The following SUGP2 variants were observed in gnomAD, a reference collection of about 807,000 sequenced individuals.
SUGP2 encodes SURP and G-patch domain containing 2, also known as SURP and G-patch domain-containing protein 2.
Under a neutral mutation model 90.5 loss-of-function variants are expected in SUGP2, and 24 were observed. The observed-to-expected ratio is 0.27, with a 90% CI of 0.19 to 0.37. The LOEUF is 0.37. Ranked by LOEUF, SUGP2 falls within the 10% of genes least tolerant of loss-of-function variation. The pLI, the probability that SUGP2 is intolerant of heterozygous loss-of-function variation, is 1.00. For missense variants in SUGP2, 1,233 were observed against 1,363.3 expected (o/e 0.90, Z 1.51); for synonymous variants, 473 against 513.4 (o/e 0.92, Z 1.06).
At chr19:19,020,132 A>G (rs1048424946) in intron 3 of SUGP2, among the ~76,000 whole-genome samples, 1 of 151,710 alleles carries the variant, frequency 6.6e-6, no homozygotes, top group African/African-American at 2.4e-5. Context: ...TGCTGAATGT[A>G]TAAGAAACAA....
At chr19:19,024,039 G>A (rs191928697) in intron 3 of SUGP2, among the ~76,000 whole-genome samples, 6 of 152,276 alleles carry the variant, frequency 3.9e-5, no homozygotes, top group Middle Eastern at 3.4e-3. Context: ...GTGAATAGAT[G>A]AGCATTTTTT....
intron 2 of SUGP2, among the ~76,000 whole-genome samples, chr19:19,026,731 T>C (rs1441132661): frequency 6.6e-6 from 1 of 152,160 alleles, no homozygotes; most frequent in Non-Finnish European, 1.5e-5. Flanking sequence ...CACTGCCTCT[T>C]AGAAGGAAGT....
rs1408437073 is a variant in SUGP2 at position 19,004,284 on chromosome 19, G to A, written c.2813C>T (p.Ala938Val). ...AAEDDLAGAP[A>V]LSQASSGTCF... ...GGTACCTGAGGAGGCCTGTGACAAGGCAGGTGCTCCAGCCAGGTCGTCCTC... is the reference window on the plus strand; with the variant it reads ...GGTACCTGAGGAGGCCTGTGACAAGACAGGTGCTCCAGCCAGGTCGTCCTC... The change falls in exon 7 of 11, where the codon GCC becomes GTC. Residue 938 changes from alanine (A) to valine (V), a missense_variant. Transcript: ENST00000452918. 7 of 1,613,790 alleles carry A rather than the reference G, an allele frequency of 4.3e-6. No homozygotes were observed. The highest frequency in any genetic ancestry group is 1.3e-5 in the African/African-American group (1 of 74,940).
intron 4 of SUGP2, among the ~76,000 whole-genome samples, chr19:19,017,081 A>G (rs1431865080): frequency 6.6e-6 from 1 of 152,232 alleles, no homozygotes; most frequent in Non-Finnish European, 1.5e-5. Context: ...CAGTATGGGT[A>G]CAATCTGACT....
rs763924180 is a variant in SUGP2 at position 19,025,301 on chromosome 19, T to C, written c.1047A>G (p.Gln349=). The change falls in exon 3 of 11, where the codon CAA becomes CAG. Residue 349 remains glutamine, a synonymous_variant. Transcript: ENST00000452918. ...CAAGTTCAAAGAGAGTCTGGAAAAG[T>C]TGGGAAAATTTAATATCATCTTTTA... The part of the protein sequence containing the change: ...HTIKDDIKFS[Q]LFQTLFELET... The C allele has an allele frequency of 2.5e-6, 4 of 1,613,146 alleles. No homozygotes were observed. Among genetic ancestry groups the C allele is most frequent in the Non-Finnish European group, 3.4e-6 (4 of 1,179,844 alleles).
chr19:18,999,169 T>C (rs2057731890), intron 8 of SUGP2, among the ~76,000 whole-genome samples: 1 of 152,186 alleles, frequency 6.6e-6, no homozygotes, highest in Non-Finnish European at 1.5e-5. Flanking sequence ...TTAACAATCA[T>C]GATGGTGGTT....
intron 2 of SUGP2, among the ~76,000 whole-genome samples, chr19:19,028,206 T>C (rs142328890): frequency 6.6e-6 from 1 of 151,994 alleles, no homozygotes; most frequent in African/African-American, 2.4e-5. Context: ...GGCATCAGGG[T>C]TTTTAAAAGG....
intron 8 of SUGP2, among the ~76,000 whole-genome samples, chr19:18,997,000 G>C (rs1176477020): frequency 6.6e-6 from 1 of 151,990 alleles, no homozygotes; most frequent in Non-Finnish European, 1.5e-5. Flanking sequence ...GGAGTGGCTG[G>C]GAGAGGGTTA....
At chr19:19,017,149 C>A (rs1227161939) in intron 4 of SUGP2, among the ~76,000 whole-genome samples, 4 of 152,212 alleles carry the variant, frequency 2.6e-5, no homozygotes, top group Admixed American at 6.5e-5. Flanking sequence ...AGCACCCCTG[C>A]ATTGCAGCCT....
chr19:19,013,305 TC>T (rs2058372743), intron 4 of SUGP2, among the ~76,000 whole-genome samples: 1 of 152,238 alleles, frequency 6.6e-6, no homozygotes, highest in East Asian at 1.9e-4. Flanking sequence ...TTAGTGCTGT[TC>T]TCCTTAAAGT....
chr19:19,003,224 G>A (rs1408369884), intron 7 of SUGP2, among the ~76,000 whole-genome samples: 1 of 152,208 alleles, frequency 6.6e-6, no homozygotes, highest in Admixed American at 6.5e-5. Context: ...AAAACCATAA[G>A]GCCACTGTCA....
intron 3 of SUGP2, among the ~76,000 whole-genome samples, chr19:19,023,037 G>C (rs560647261): frequency 6.6e-6 from 1 of 152,186 alleles, no homozygotes; most frequent in Non-Finnish European, 1.5e-5. Context: ...GAGGAAGGAA[G>C]AGGGAAACCA....
chr19:18,994,225 T>C (rs1260096558), intron 10 of SUGP2, 141 bp downstream of exon 10: 7 of 1,182,376 alleles, frequency 5.9e-6, no homozygotes, highest in African/African-American at 4.6e-5. Flanking sequence ...CCCTTTTGTT[T>C]CCCTCACAGA....
chr19:18,997,935 G>A (rs975553288), intron 8 of SUGP2, among the ~76,000 whole-genome samples: 1 of 152,128 alleles, frequency 6.6e-6, no homozygotes, highest in African/African-American at 2.4e-5. Flanking sequence ...CCTAGAAACT[G>A]GACTTGCCAA....
In SUGP2 at chr19:19,025,980, A is replaced by G. The variant is rs899117471; in HGVS notation, c.368T>C (p.Ile123Thr). 4 of 1,614,022 alleles carry G rather than the reference A, an allele frequency of 2.5e-6. No individual in the cohort carries two copies. Among genetic ancestry groups the G allele is most frequent in the South Asian group, 2.2e-5 (2 of 91,086 alleles). The change falls in exon 3 of 11, where the codon ATT (isoleucine) becomes ACT (threonine). Residue 123 changes from isoleucine (I) to threonine (T), a missense_variant. Physicochemically the swap from Ile to Thr is moderately conservative, Grantham distance 89 (BLOSUM62 -1). Coordinates refer to ENST00000452918, the MANE Select transcript of SUGP2 (RefSeq NM_001017392.5). The stretch of plus-strand genomic sequence containing the variant: ...GAAATGCCCCAATTTCCGGTGGCCA[A>G]TGACCTGGTCCCGAGAATCAGAGTG... ...FSHSDSRDQV[I>T]GHRKLGHFRS...
chr19:19,012,106 C>T (rs2058333310), intron 4 of SUGP2, among the ~76,000 whole-genome samples: 1 of 152,210 alleles, frequency 6.6e-6, no homozygotes, highest in African/African-American at 2.4e-5. Flanking sequence ...CAGCTCCATA[C>T]ACAAGCTCCT....
chr19:19,009,937 T>C lies in SUGP2; in HGVS notation c.2256A>G (p.Glu752=). Residue 752 remains glutamate (E), a synonymous_variant, in exon 5 of 11, where the codon GAA becomes GAG. Transcript: ENST00000452918. ...CTGGCTTGGGGGATGGGCCTGAGGC[T>C]TCTAAGCTGGGGTCCTGAGGAGAAG... The part of the protein sequence containing the change: ...VGPSPQDPSL[E]ASGPSPKPAG... 6.2e-7 allele frequency: 1 copy of C among 1,614,154 alleles called. No individual in the cohort carries two copies. The highest frequency in any genetic ancestry group is 2.2e-5 in the East Asian group (1 of 44,882).
intron 1 of SUGP2, among the ~76,000 whole-genome samples, chr19:19,031,682 G>T (rs2059157827): frequency 6.6e-6 from 1 of 152,026 alleles, no homozygotes; most frequent in African/African-American, 2.4e-5. Flanking sequence ...CAGACTGGGG[G>T]ACAGAGCGAG....
rs1347775642 is a variant in SUGP2, at chr19:19,004,298, C to T, written c.2799G>A (p.Leu933=). 6.2e-7 allele frequency: 1 copy of T among 1,613,862 alleles called. No individual in the cohort carries two copies. The highest frequency in any genetic ancestry group is 1.1e-5 in the South Asian group (1 of 91,062). ...CCTGTGACAAGGCAGGTGCTCCAGCCAGGTCGTCCTCGGCAGCCTCGCCGG... is the reference window on the plus strand; with the variant it reads ...CCTGTGACAAGGCAGGTGCTCCAGCTAGGTCGTCCTCGGCAGCCTCGCCGG... ...GLPGEAAEDD[L]AGAPALSQAS... Residue 933 remains leucine, a synonymous_variant, in exon 7 of 11, where the codon CTG becomes CTA. Transcript: ENST00000452918.
Sources: gnomAD v4.1 joint callset for allele counts (sites outside exome capture counted in the v4.1 genomes callset) on GRCh38, gnomAD v4.1.1 for gene constraint, MANE v1.5 for transcripts, NCBI Gene and HGNC (gene_info 2026-07-23, HGNC 2026-07-21) for gene names.